Variants in KIAA2012 observed in about 807,000 individuals in gnomAD.
KIAA2012 encodes KIAA2012.
Under a neutral mutation model 150.6 loss-of-function variants are expected in KIAA2012, and 125 were observed. The ratio of observed to expected loss-of-function variants is 0.83; its 90% CI spans 0.72 to 0.96. The LOEUF (loss-of-function observed/expected upper bound fraction) is 0.96. Ranked by LOEUF, KIAA2012 falls within the 40% of genes least tolerant of loss-of-function variation. The pLI, the probability that KIAA2012 is intolerant of heterozygous loss-of-function variation, is 0.00. For synonymous variants in KIAA2012, 462 were observed against 504.7 expected (o/e 0.92, Z 1.13); for missense variants, 1,219 against 1,354.9 (o/e 0.90, Z 1.57).
In KIAA2012 at chr2:202,074,902, C is replaced by G; in HGVS notation, c.96C>G (p.Asn32Lys). ...EVYFEPEDYL[N>K]WRSPEDYVPV... ...GCTTCTCATTGCAGGATTACTTGAACTGGAGGTCCCCAGAAGACTATGTTC... is the reference window on the plus strand; with the variant it reads ...GCTTCTCATTGCAGGATTACTTGAAGTGGAGGTCCCCAGAAGACTATGTTC... Residue 32 changes from asparagine to lysine, a missense_variant, in exon 2 of 24, where the codon AAC becomes AAG. Asn to Lys is a moderately conservative substitution (Grantham distance 94). Coordinates refer to ENST00000498697, the MANE Select transcript of KIAA2012 (RefSeq NM_001277372.4). The G allele has an allele frequency of 1.3e-6, 2 of 1,546,298 alleles. No homozygotes were observed. Among genetic ancestry groups the G allele is most frequent in the African/African-American group, 2.7e-5 (2 of 72,806 alleles).
At chr2:202,162,400 G>A (rs530182005) in intron 14 of KIAA2012, among the ~76,000 whole-genome samples, 286 of 151,486 alleles carry the variant, frequency 1.9e-3, no homozygotes, top group Non-Finnish European at 3.3e-3. Flanking sequence ...TCAGCCTCCC[G>A]AGTAGCTGGG....
intron 15 of KIAA2012, among the ~76,000 whole-genome samples, chr2:202,184,321 G>T (rs535609784): frequency 2.0e-5 from 3 of 151,316 alleles, no homozygotes; most frequent in East Asian, 3.9e-4. Context: ...GAGACAGAGG[G>T]TGCACTGACC....
chr2:202,111,977 G>C (rs1690371426), intron 10 of KIAA2012, among the ~76,000 whole-genome samples: 2 of 152,184 alleles, frequency 1.3e-5, no homozygotes, highest in Admixed American at 6.5e-5. Flanking sequence ...GATGGGGAAG[G>C]TAAGTATGGT....
chr2:202,106,541 G>T (rs999170973), intron 9 of KIAA2012, among the ~76,000 whole-genome samples: 1 of 152,052 alleles, frequency 6.6e-6, no homozygotes, highest in Non-Finnish European at 1.5e-5. Context: ...AAAAAAATTA[G>T]CCAGGCATGG....
chr2:202,141,707 T>C (rs1691200250), intron 13 of KIAA2012, among the ~76,000 whole-genome samples: 1 of 152,068 alleles, frequency 6.6e-6, no homozygotes, highest in Admixed American at 6.6e-5. Context: ...AGGCCCTTCA[T>C]TTGATTAAGG....
intron 15 of KIAA2012, among the ~76,000 whole-genome samples, chr2:202,166,046 A>C (rs974913407): frequency 2.8e-4 from 42 of 152,200 alleles, no homozygotes; most frequent in African/African-American, 9.6e-4. Context: ...ACACATGCAG[A>C]ATGTGAACAC....
intron 5 of KIAA2012, among the ~76,000 whole-genome samples, chr2:202,098,543 CCT>C (rs1182080730): frequency 6.6e-6 from 1 of 152,096 alleles, no homozygotes; most frequent in African/African-American, 2.4e-5. Context: ...CAGATTCTCC[CCT>C]GACTCTTTGC....
intron 23 of KIAA2012, among the ~76,000 whole-genome samples, chr2:202,204,006 T>A (rs2105760240): frequency 6.6e-6 from 1 of 152,118 alleles, no homozygotes; most frequent in South Asian, 2.1e-4. Flanking sequence ...CCTGACCTTG[T>A]GATCCGCCTA....
At position 202,109,805 on chromosome 2, in the gene KIAA2012, G is replaced by T. The variant is rs1168678557; in HGVS notation, c.1651+16G>T. ...GCAGCTCAAGGTAATCATTCCCAGA[G>T]TGCATAGACGCCCCCCACTGGCTTG... On this transcript the variant is annotated intron_variant, in intron 10 of 23. Transcript: ENST00000498697. 6.6e-7 allele frequency: 1 copy of T among 1,510,576 alleles called. No individual in the cohort carries two copies. The highest frequency in any genetic ancestry group is 2.2e-5 in the Admixed American group (1 of 44,800). The allele number at this position is 1,510,576 out of a possible 1,614,324, so 93.6% of individuals were successfully genotyped here.
At chr2:202,159,803 C>G (rs1469525533) in intron 14 of KIAA2012, among the ~76,000 whole-genome samples, 1 of 152,192 alleles carries the variant, frequency 6.6e-6, no homozygotes, top group Non-Finnish European at 1.5e-5. Context: ...GATCGCACAA[C>G]TGCACTCCAG....
At position 202,093,082 on chromosome 2, in the gene KIAA2012, G is replaced by A. The variant is rs1246918565; in HGVS notation, c.582G>A (p.Lys194=). 12 of 1,550,760 alleles carry A rather than the reference G, an allele frequency of 7.7e-6. No homozygotes were observed. In the East Asian group the frequency reaches 2.9e-4, roughly 38 times the overall value. Residue 194 remains lysine (K), a synonymous_variant, in exon 4 of 24, where the codon AAG becomes AAA. Coordinates refer to ENST00000498697, the MANE Select transcript of KIAA2012 (RefSeq NM_001277372.4). The part of the protein sequence containing the change: ...LLQDSQLNVP[K]KLRPQQDLSG... ...AGGACAGTCAACTTAATGTACCAAA[G>A]AAGCTCAGGCCACAACAAGATCTTT...
At chr2:202,138,914 G>T (rs532166500) in intron 13 of KIAA2012, among the ~76,000 whole-genome samples, 7 of 152,134 alleles carry the variant, frequency 4.6e-5, no homozygotes, top group Admixed American at 3.3e-4. Context: ...AAGAAAGGAG[G>T]ATGGTGCTTC....
intron 13 of KIAA2012, among the ~76,000 whole-genome samples, chr2:202,147,153 G>A (rs999393004): frequency 5.3e-5 from 8 of 152,166 alleles, no homozygotes; most frequent in African/African-American, 1.9e-4. Context: ...TCTACCAATT[G>A]TTCCTCCCTT....
intron 3 of KIAA2012, 109 bp from the exon 4 acceptor site, chr2:202,092,921 G>T: frequency 1.1e-6 from 1 of 874,886 alleles, no homozygotes; most frequent in Admixed American, 2.9e-5. Flanking sequence ...TCCCTAATGG[G>T]CAATGTCCAA....
chr2:202,194,273 A>G lies in KIAA2012; in HGVS notation c.3098A>G (p.Gln1033Arg). 1.3e-6 allele frequency: 2 copies of G among 1,550,648 alleles called. No homozygotes were observed. The highest frequency in any genetic ancestry group is 1.7e-6 in the Non-Finnish European group (2 of 1,147,012). Residue 1033 changes from glutamine to arginine, a missense_variant, in exon 21 of 24, where the codon CAG becomes CGG. Physicochemically the swap from Gln to Arg is conservative, Grantham distance 43 (BLOSUM62 1). Transcript: ENST00000498697. ...RKQQLRLKAA[Q>R]ERARQQQEEF... is the part of the protein sequence containing the mutation. ...CAGCAGCTCCGGTTGAAAGCAGCCC[A>G]GGAGAGAGCCCGGCAACAGCAAGAG...
At chr2:202,103,395 C>T (rs1183611091) in intron 8 of KIAA2012, among the ~76,000 whole-genome samples, 3 of 151,622 alleles carry the variant, frequency 2.0e-5, no homozygotes, top group Non-Finnish European at 4.4e-5. Flanking sequence ...TCCAATGCAC[C>T]ATAGGTGTTA....
chr2:202,085,686 A>T (rs1480805100), intron 2 of KIAA2012, among the ~76,000 whole-genome samples: 3 of 152,168 alleles, frequency 2.0e-5, no homozygotes, highest in African/African-American at 7.2e-5. Context: ...TAAACCACTA[A>T]ATGTATGGTA....
At chr2:202,203,839 G>A (rs1320967674) in intron 23 of KIAA2012, among the ~76,000 whole-genome samples, 6 of 150,146 alleles carry the variant, frequency 4.0e-5, no homozygotes, top group South Asian at 2.1e-4. Flanking sequence ...GCACGATCTC[G>A]GCTCACTGCA....
At chr2:202,192,450 GCTT>G (rs1692339326) in intron 19 of KIAA2012, among the ~76,000 whole-genome samples, 1 of 146,632 alleles carries the variant, frequency 6.8e-6, no homozygotes, top group African/African-American at 2.5e-5. Context: ...TGGTAAAATA[GCTT>G]CTTTTTTTTT....
Sources: gnomAD v4.1 joint callset for allele counts (sites outside exome capture counted in the v4.1 genomes callset) on GRCh38, gnomAD v4.1.1 for gene constraint, MANE v1.5 for transcripts, NCBI Gene and HGNC (gene_info 2026-07-23, HGNC 2026-07-21) for gene names.